DIXDC1: variants seen among roughly 807,000 people sequenced by gnomAD.
The protein encoded by DIXDC1 is dixin.
DIXDC1 carries 64 observed loss-of-function variants against 103.1 expected under a neutral mutation model. That is an observed-to-expected ratio of 0.62 (90% confidence interval 0.51 to 0.76). The LOEUF (loss-of-function observed/expected upper bound fraction) is 0.76, where lower values mean the gene tolerates loss of function less well. DIXDC1 is among the 30% of genes least tolerant of loss of function. DIXDC1 has a pLI of 0.00. For synonymous variants in DIXDC1, 266 were observed against 298.5 expected, an observed-to-expected ratio of 0.89 and a Z score of 1.12; for missense variants, 759 against 834.2, an observed-to-expected ratio of 0.91 and a Z score of 1.11.
At chr11:111,933,339 G>A (rs1243500187), upstream of DIXDC1, among the ~76,000 whole-genome samples, 1 of 152,172 alleles carries the variant, frequency 6.6e-6, no homozygotes, top group Admixed American at 6.5e-5. Context: ...TGTTGGTCAG[G>A]CTGGTCTCGG....
intron 1 of DIXDC1, among the ~76,000 whole-genome samples, chr11:111,952,162 G>T (rs111510375): frequency 6.6e-6 from 1 of 152,108 alleles, no homozygotes; most frequent in African/African-American, 2.4e-5. Flanking sequence ...CACCATGCCC[G>T]TCTTAAAATC....
chr11:112,015,339 A>G (rs1412810201), intron 17 of DIXDC1: 2 of 152,190 alleles, frequency 1.3e-5, no homozygotes, highest in African/African-American at 4.8e-5. Flanking sequence ...GTGGCTGCCA[A>G]TATGAATGCC....
At chr11:111,937,130 G>GGGT (rs1555168208), upstream of DIXDC1, 799 of 676,762 alleles carry the variant, frequency 1.2e-3, 3 homozygotes, top group Non-Finnish European at 1.3e-3. Flanking sequence ...TGCGGCCCGG[G>GGGT]CGGGGGGGGG....
chr11:112,015,799 C>CT (rs782121271), intron 17 of DIXDC1, among the ~76,000 whole-genome samples: 43,117 of 47,032 alleles, frequency 0.92, 20,268 homozygotes, highest in South Asian at 0.97. Context: ...GAGACCCTGT[C>CT]TTTTTTTTTT....
rs1260269586 is a variant in DIXDC1, at chr11:112,017,975, T to TA, written c.1971+90_1971+91insA. 5 of 997,796 alleles carry TA rather than the reference T, an allele frequency of 5.0e-6. No homozygotes were observed. Among genetic ancestry groups the TA allele is most frequent in the Non-Finnish European group, 7.5e-6 (5 of 669,430 alleles). 61.8% of individuals were successfully genotyped at this position (997,796 alleles called of 1,614,324 possible). On this transcript the variant is annotated intron_variant, in intron 19 of 19. Transcript: ENST00000440460. The surrounding 1 kb of genome is among the most constrained non-coding windows in gnomAD (Gnocchi z 4.0). Reference sequence around the variant, plus strand: ...TCAAGCACTAGTGTCCAGAAGTACATGAGTTCCCTGACTAGGTCAGAAGAA... The same window carrying TA: ...TCAAGCACTAGTGTCCAGAAGTACATAGAGTTCCCTGACTAGGTCAGAAGAA...
At chr11:112,013,024 T>TA (rs1555177355) in intron 17 of DIXDC1, among the ~76,000 whole-genome samples, 1 of 152,184 alleles carries the variant, frequency 6.6e-6, no homozygotes, top group Non-Finnish European at 1.5e-5. Context: ...TCAACTCTCT[T>TA]AAACGACGTA....
intron 9 of DIXDC1, 73 bp from the exon 10 acceptor site, chr11:111,988,932 C>A: frequency 2.3e-6 from 3 of 1,331,424 alleles, no homozygotes; most frequent in South Asian, 1.3e-5. Flanking sequence ...TGTCCTCTTG[C>A]CGACAGAATG....
At position 112,020,735 on chromosome 11, in the gene DIXDC1, T is replaced by C. The variant is rs1460552192; in HGVS notation, c.*1699T>C. 6.6e-6 allele frequency: 1 copy of C among 152,222 alleles called. No individual in the cohort carries two copies. Among genetic ancestry groups the C allele is most frequent in the Non-Finnish European group, 1.5e-5 (1 of 68,034 alleles). 9.4% of individuals were successfully genotyped at this position (152,222 alleles called of 1,614,324 possible). On this transcript the variant is annotated 3_prime_UTR_variant, in exon 20 of 20. Transcript: ENST00000440460. The stretch of plus-strand genomic sequence containing the variant: ...GTGAAGGTAGTTTTGTGTAATCCAG[T>C]TGATTGCTCCTCTGGCAGAGAGAAG...
chr11:112,018,510 C>A (rs782431171), intron 19 of DIXDC1, among the ~76,000 whole-genome samples: 1 of 152,062 alleles, frequency 6.6e-6, no homozygotes, highest in Non-Finnish European at 1.5e-5. Flanking sequence ...GTTTTAGTAA[C>A]CCTGTTTTAT....
intron 9 of DIXDC1, among the ~76,000 whole-genome samples, chr11:111,987,207 G>A (rs1860521952): frequency 6.6e-6 from 1 of 151,156 alleles, no homozygotes; most frequent in African/African-American, 2.4e-5. Context: ...CAGAGATCGT[G>A]CCACTACACC....
Position 111,977,877 on chromosome 11 carries a change from A to G in DIXDC1, c.657-2860A>G, listed in dbSNP as rs1173735183. ...GGCTGGAGGATGCTGTTGGCCGGAG[A>G]CAGGCGGGGTGGTGGGAGCATTATG... On this transcript the variant is annotated intron_variant, in intron 5 of 19. Coordinates refer to ENST00000440460, the MANE Select transcript of DIXDC1 (RefSeq NM_001037954.4). This position sits in a 1 kb window ranked among gnomAD's most constrained non-coding sequence, Gnocchi z 6.1. The G allele has an allele frequency of 1.4e-6, 2 of 1,460,246 alleles. No homozygotes were observed. The highest frequency in any genetic ancestry group is 1.8e-6 in the Non-Finnish European group (2 of 1,102,488). The allele number at this position is 1,460,246 out of a possible 1,614,324, so 90.5% of individuals were successfully genotyped here. A position where few individuals can be genotyped will look rare whatever the true frequency, so the allele number is the denominator to read the frequency against.
chr11:112,001,325 T>C (rs782684271), intron 17 of DIXDC1, among the ~76,000 whole-genome samples: 3 of 152,182 alleles, frequency 2.0e-5, no homozygotes, highest in African/African-American at 4.8e-5. Flanking sequence ...GAATAACCAC[T>C]CAGTGCATAC....
chr11:111,982,896 C>G (rs1336040569), intron 7 of DIXDC1, among the ~76,000 whole-genome samples: 1 of 152,204 alleles, frequency 6.6e-6, no homozygotes, highest in African/African-American at 2.4e-5. Flanking sequence ...GCCAGTAATG[C>G]TGCCAGGTTT....
chr11:111,964,847 A>G (rs1002512207), intron 2 of DIXDC1, among the ~76,000 whole-genome samples, 169 bp downstream of exon 2: 1 of 152,222 alleles, frequency 6.6e-6, no homozygotes, highest in Non-Finnish European at 1.5e-5. Context: ...TTATTCGTCA[A>G]TAAACATTGT....
intron 14 of DIXDC1, 66 bp from the exon 15 acceptor site, chr11:111,994,953 A>T: frequency 6.9e-7 from 1 of 1,446,120 alleles, no homozygotes; most frequent in Non-Finnish European, 9.6e-7. Flanking sequence ...AAAGAAGAAA[A>T]ATAAGATAGC....
intron 1 of DIXDC1, among the ~76,000 whole-genome samples, chr11:111,944,734 G>A (rs1966537460): frequency 6.6e-6 from 1 of 152,178 alleles, no homozygotes; most frequent in Non-Finnish European, 1.5e-5. Context: ...CACAACTTTA[G>A]AGGGGTCCAG....
intron 1 of DIXDC1, among the ~76,000 whole-genome samples, chr11:111,961,561 CT>C (rs587631523): frequency 3.3e-5 from 5 of 152,286 alleles, no homozygotes; most frequent in African/African-American, 9.6e-5. Flanking sequence ...ACTGTTTATG[CT>C]GTGGAATCCT....
At chr11:111,963,343 C>T (rs1859635680) in intron 1 of DIXDC1, among the ~76,000 whole-genome samples, 1 of 152,186 alleles carries the variant, frequency 6.6e-6, no homozygotes, top group Middle Eastern at 3.2e-3. Flanking sequence ...CTGATCGTTG[C>T]ACTTCCTACA....
Position 111,937,426 on chromosome 11 carries a change from T to G in DIXDC1, c.-74T>G. ...ATGAGCTGAGCCGAGAGCCTTTGTG[T>G]GCAGAGGGAGGAGGAGGAGGCGGCG... On this transcript the variant is annotated 5_prime_UTR_variant, in exon 1 of 20. Transcript: ENST00000440460. The G allele has an allele frequency of 6.5e-7, 1 of 1,540,814 alleles. No individual in the cohort carries two copies.
Sources: allele counts gnomAD v4.1 joint callset (sites outside exome capture counted in the v4.1 genomes callset), GRCh38; gene constraint gnomAD v4.1.1; non-coding constraint Gnocchi (gnomAD v3.1); transcripts MANE v1.5; gene names NCBI Gene and HGNC (gene_info 2026-07-23, HGNC 2026-07-21).